Variants in RABGAP1L observed in about 807,000 individuals in gnomAD.
The protein encoded by RABGAP1L is rab GTPase-activating protein 1-like.
Under a neutral mutation model 137.7 loss-of-function variants are expected in RABGAP1L, and 63 were observed. The observed-to-expected ratio is 0.46, with a 90% CI of 0.37 to 0.56. The LOEUF is 0.56. Among genes scored for constraint, RABGAP1L ranks in the 20% least tolerant of loss-of-function variants. The pLI is 0.00. For synonymous variants in RABGAP1L, 431 were observed against 433.7 expected (o/e 0.99, Z 0.08); for missense variants, 1,095 against 1,244.0 (o/e 0.88, Z 1.80).
At chr1:174,863,444 C>T (rs1410334747) in intron 19 of RABGAP1L, among the ~76,000 whole-genome samples, 6 of 151,232 alleles carry the variant, frequency 4.0e-5, no homozygotes, top group African/African-American at 1.2e-4. Context: ...GAGGCCGAGG[C>T]GGGTGGATCA....
At chr1:174,881,660 C>T (rs1229665565) in intron 19 of RABGAP1L, among the ~76,000 whole-genome samples, 1 of 151,302 alleles carries the variant, frequency 6.6e-6, no homozygotes, top group South Asian at 2.1e-4. Flanking sequence ...CCACCATGCC[C>T]AGCTAATTTT....
At chr1:174,324,345 A>G (rs58066823) in intron 11 of RABGAP1L, among the ~76,000 whole-genome samples, 6,916 of 152,186 alleles carry the variant, frequency 0.045, 228 homozygotes, top group Middle Eastern at 0.092. Flanking sequence ...GAGGAGAAAG[A>G]CTCAAAGGTT....
intron 19 of RABGAP1L, chr1:174,850,185 G>T (rs1176608493): frequency 2.5e-6 from 1 of 398,688 alleles, no homozygotes; most frequent in East Asian, 6.3e-5. Context: ...ATAACATGAT[G>T]CCCTCAGGTT....
chr1:174,171,652 C>G (rs191163499), intron 1 of RABGAP1L, among the ~76,000 whole-genome samples: 1 of 151,764 alleles, frequency 6.6e-6, no homozygotes, highest in Non-Finnish European at 1.5e-5. Flanking sequence ...CCCTCCTTTC[C>G]CCTGGTAACT....
intron 18 of RABGAP1L, among the ~76,000 whole-genome samples, chr1:174,797,212 A>C (rs1289247355): frequency 1.3e-5 from 2 of 152,100 alleles, no homozygotes; most frequent in African/African-American, 4.8e-5. Context: ...TTCAAGACCA[A>C]GTTAGTTGAG....
At chr1:174,817,286 G>A (rs367635899) in intron 19 of RABGAP1L, among the ~76,000 whole-genome samples, 7 of 152,184 alleles carry the variant, frequency 4.6e-5, no homozygotes, top group Non-Finnish European at 8.8e-5. Context: ...AATTAGGAAA[G>A]AAAAGTTATT....
chr1:174,706,542 A>C (rs1680062734), intron 17 of RABGAP1L, among the ~76,000 whole-genome samples: 1 of 152,182 alleles, frequency 6.6e-6, no homozygotes, highest in Admixed American at 6.5e-5. Context: ...TATCGATAAT[A>C]AAACATTGCA....
In RABGAP1L at chr1:174,241,560, A is replaced by G; in HGVS notation, c.620A>G (p.Asp207Gly). Residue 207 changes from aspartate to glycine, a missense_variant, in exon 5 of 26, where the codon GAC (aspartate) becomes GGC (glycine). By Grantham distance (94) the Asp-to-Gly change is moderately conservative (BLOSUM62 -1). Transcript: ENST00000681986. ...YKVLFCARGH[D>G]GTTESNCFAF... ...GTGTTATTCTGTGCACGTGGACATG[A>G]CGGAACAACAGAGAGCAATTGCTTT... is the stretch of plus-strand genomic sequence containing the variant. The G allele has an allele frequency of 1.2e-6, 2 of 1,613,530 alleles. No homozygotes were observed. Among genetic ancestry groups the G allele is most frequent in the Non-Finnish European group, 1.7e-6 (2 of 1,179,482 alleles).
At position 174,810,678 on chromosome 1, in the gene RABGAP1L, C is replaced by T. The variant is rs79848561; in HGVS notation, c.2212-1154C>T. Among the ~76,000 whole-genome samples, 1,037 of 152,214 alleles carry T rather than the reference C, an allele frequency of 6.8e-3. 13 individuals are homozygous for T. Among genetic ancestry groups the T allele is most frequent in the African/African-American group, 0.024 (977 of 41,518 alleles). ...CTAATTTGTTTTTGGCTTCTGTGTA[C>T]TCATCTTCCTAAATCTATAATATGT... On this transcript the variant is annotated intron_variant, in intron 18 of 25. Coordinates refer to ENST00000681986, the MANE Select transcript of RABGAP1L (RefSeq NM_001366446.1).
At chr1:174,463,606 A>G (rs1656960883) in intron 13 of RABGAP1L, among the ~76,000 whole-genome samples, 1 of 152,118 alleles carries the variant, frequency 6.6e-6, no homozygotes, top group Non-Finnish European at 1.5e-5. Context: ...GCACATGTAT[A>G]CATATGTAAC....
At position 174,313,548 on chromosome 1, in the gene RABGAP1L, A is replaced by G. The variant is rs148336752; in HGVS notation, c.1465+8421A>G. Among the ~76,000 whole-genome samples, 247 of 152,258 alleles carry G rather than the reference A, an allele frequency of 1.6e-3. 1 individual carries two copies. The highest frequency in any genetic ancestry group is 5.6e-3 in the African/African-American group (231 of 41,566). On this transcript the variant is annotated intron_variant, in intron 11 of 25. Transcript: ENST00000681986. ...CTCTAGCTAGGACTTCTGGTGCTATATTGAATAACAGTGGTGATAGTGGGC... is the reference window on the plus strand; with the variant it reads ...CTCTAGCTAGGACTTCTGGTGCTATGTTGAATAACAGTGGTGATAGTGGGC...
intron 19 of RABGAP1L, among the ~76,000 whole-genome samples, chr1:174,842,906 G>T (rs1693571066): frequency 6.6e-6 from 1 of 152,034 alleles, no homozygotes; most frequent in Non-Finnish European, 1.5e-5. Context: ...TAAATCCAGA[G>T]AAATGTTACT....
chr1:174,757,325 C>A lies in RABGAP1L; in HGVS notation c.2211+4971C>A, dbSNP rs181193824. On this transcript the variant is annotated intron_variant, in intron 18 of 25. Transcript: ENST00000681986. The stretch of plus-strand genomic sequence containing the variant: ...AAATATCCTTAAACTTGCATCTTTG[C>A]ATACTTATCTGATATCTCTGGGGTA... Among the ~76,000 whole-genome samples the A allele has an allele frequency of 5.0e-3, 760 of 152,162 alleles. 8 individuals carry two copies. Among genetic ancestry groups the A allele is most frequent in the Non-Finnish European group, 4.0e-3 (272 of 67,994 alleles).
intron 19 of RABGAP1L, among the ~76,000 whole-genome samples, chr1:174,902,012 C>T (rs1658223640): frequency 6.6e-6 from 1 of 152,168 alleles, no homozygotes; most frequent in South Asian, 2.1e-4. Context: ...GAGGTATCAC[C>T]AGTGTAGGCT....
At chr1:174,611,901 G>T (rs972952945) in intron 13 of RABGAP1L, among the ~76,000 whole-genome samples, 1 of 152,194 alleles carries the variant, frequency 6.6e-6, no homozygotes, top group African/African-American at 2.4e-5. Flanking sequence ...TTTGCACATT[G>T]ATTTTGTTTC....
chr1:174,641,568 A>G (rs761632258), intron 14 of RABGAP1L, among the ~76,000 whole-genome samples: 3 of 152,176 alleles, frequency 2.0e-5, no homozygotes, highest in Non-Finnish European at 4.4e-5. Flanking sequence ...ATTTTAAAAG[A>G]ATGTCCATGA....
Position 174,466,662 on chromosome 1 carries a change from T to A in RABGAP1L, c.1710+72517T>A, listed in dbSNP as rs112121663. Among the ~76,000 whole-genome samples the A allele has an allele frequency of 5.3e-3, 807 of 152,090 alleles. 10 individuals are homozygous for A. The highest frequency in any genetic ancestry group is 0.018 in the African/African-American group (762 of 41,472). ...ACTAGCCAGGCGTGGTGGCACACCC[T>A]TGTAATCCCAGCTACTCAGGAGGCT... is the stretch of plus-strand genomic sequence containing the variant. On this transcript the variant is annotated intron_variant, in intron 13 of 25. Transcript: ENST00000681986.
chr1:174,318,595 T>A (rs1037961756), intron 11 of RABGAP1L, among the ~76,000 whole-genome samples: 1 of 144,364 alleles, frequency 6.9e-6, no homozygotes, highest in African/African-American at 2.7e-5. Context: ...TTTCTTTCTT[T>A]CTTTCTTTCT....
intron 13 of RABGAP1L, among the ~76,000 whole-genome samples, chr1:174,551,025 T>TACAC (rs752146297): frequency 2.5e-5 from 3 of 117,840 alleles, no homozygotes; most frequent in African/African-American, 3.6e-5. Flanking sequence ...TATATATACA[T>TACAC]ACACACACAC....
Sources: gnomAD v4.1 joint callset for allele counts (sites outside exome capture counted in the v4.1 genomes callset) on GRCh38, gnomAD v4.1.1 for gene constraint, MANE v1.5 for transcripts, NCBI Gene and HGNC (gene_info 2026-07-23, HGNC 2026-07-21) for gene names.